The following MAGI2 variants were observed in gnomAD, a reference collection of about 807,000 sequenced individuals.
The protein encoded by MAGI2 is membrane associated guanylate kinase, WW and PDZ domain containing 2.
In MAGI2, 35 loss-of-function variants were observed where a neutral mutation model predicts 133.3. The ratio of observed to expected loss-of-function variants is 0.26; its 90% CI spans 0.20 to 0.35. The LOEUF is 0.35. MAGI2 is among the 10% of genes least tolerant of loss of function. The pLI is 1.00. For missense variants in MAGI2, 1,636 were observed against 1,863.4 expected, an observed-to-expected ratio of 0.88 and a Z score of 2.25; for synonymous variants, 729 against 710.6, an observed-to-expected ratio of 1.03 and a Z score of -0.41.
At chr7:78,997,394 G>A (rs1028487888) in intron 2 of MAGI2, among the ~76,000 whole-genome samples, 6 of 151,746 alleles carry the variant, frequency 4.0e-5, no homozygotes, top group Non-Finnish European at 5.9e-5. Flanking sequence ...ACTTGAGGTC[G>A]GGAGTTCAAG....
chr7:78,616,047 C>T (rs1376669404), intron 3 of MAGI2: 1 of 152,118 alleles, frequency 6.6e-6, no homozygotes, highest in Non-Finnish European at 1.5e-5. Flanking sequence ...GAATAATAAA[C>T]AAACCTATCC....
chr7:79,242,994 T>C (rs1183503688), intron 1 of MAGI2, among the ~76,000 whole-genome samples: 1 of 152,020 alleles, frequency 6.6e-6, no homozygotes, highest in Non-Finnish European at 1.5e-5. Context: ...AGGTGGGTGA[T>C]CACTTGAGGT....
intron 2 of MAGI2, among the ~76,000 whole-genome samples, chr7:78,923,636 T>C (rs181400968): frequency 3.9e-4 from 59 of 152,218 alleles, no homozygotes; most frequent in African/African-American, 1.3e-3. Context: ...GTGATGCCTC[T>C]GGCTTTGTTC....
At chr7:78,660,146 T>C (rs553750780) in intron 2 of MAGI2, among the ~76,000 whole-genome samples, 1 of 151,772 alleles carries the variant, frequency 6.6e-6, no homozygotes, top group African/African-American at 2.4e-5. Context: ...GTGGGAGGGA[T>C]AGCATTAGGA....
At chr7:78,447,393 G>T (rs926173284) in intron 6 of MAGI2, among the ~76,000 whole-genome samples, 72 of 148,914 alleles carry the variant, frequency 4.8e-4, no homozygotes, top group African/African-American at 1.6e-3. Context: ...AAAAAAAAAG[G>T]CTCCCTGGTC....
At chr7:78,380,787 C>T (rs1308354927) in intron 6 of MAGI2, among the ~76,000 whole-genome samples, 1 of 152,006 alleles carries the variant, frequency 6.6e-6, no homozygotes, top group Non-Finnish European at 1.5e-5. Context: ...TTGGATATCC[C>T]GTTTATCCTC....
intron 1 of MAGI2, among the ~76,000 whole-genome samples, chr7:79,269,606 T>G (rs1834727391): frequency 6.6e-6 from 1 of 152,302 alleles, no homozygotes; most frequent in Non-Finnish European, 1.5e-5. Flanking sequence ...TAAAAATGCC[T>G]TTGGTGCTAT....
At chr7:79,443,728 A>G (rs1458871339) in intron 1 of MAGI2, among the ~76,000 whole-genome samples, 6 of 152,364 alleles carry the variant, frequency 3.9e-5, no homozygotes, top group African/African-American at 1.4e-4. Flanking sequence ...TTTTTGTGCT[A>G]CACTTGATCC....
chr7:79,110,733 G>T (rs2191723), intron 1 of MAGI2, among the ~76,000 whole-genome samples: 106,994 of 151,932 alleles, frequency 0.7, 40,062 homozygotes, highest in Non-Finnish European at 0.84. Context: ...GGAGCCAGGG[G>T]TGTAATAATA....
At chr7:78,269,053 G>C (rs1461545153) in intron 9 of MAGI2, among the ~76,000 whole-genome samples, 1 of 152,108 alleles carries the variant, frequency 6.6e-6, no homozygotes, top group Non-Finnish European at 1.5e-5. Context: ...TTCTGTTCTT[G>C]TGTTAATTTG....
chr7:78,068,102 G>C (rs1814035186), intron 21 of MAGI2, among the ~76,000 whole-genome samples: 1 of 152,206 alleles, frequency 6.6e-6, no homozygotes. Context: ...TTTTTCCATA[G>C]ACCAGGTGGG....
At chr7:78,702,421 TC>T (rs752838374) in intron 2 of MAGI2, among the ~76,000 whole-genome samples, 2 of 151,972 alleles carry the variant, frequency 1.3e-5, no homozygotes, top group Non-Finnish European at 2.9e-5. Flanking sequence ...AATTGAAAGT[TC>T]TTTTTATCTT....
intron 1 of MAGI2, among the ~76,000 whole-genome samples, chr7:79,339,696 C>T (rs758072169): frequency 1.3e-5 from 2 of 152,146 alleles, no homozygotes; most frequent in Middle Eastern, 3.4e-3. Context: ...GTCTCTAGTA[C>T]GTGAGCAGTA....
At chr7:79,406,544 T>C (rs1178780200) in intron 1 of MAGI2, among the ~76,000 whole-genome samples, 1 of 152,080 alleles carries the variant, frequency 6.6e-6, no homozygotes, top group African/African-American at 2.4e-5. Flanking sequence ...TCTTCAAAGG[T>C]TGGGAGGCTG....
At chr7:78,288,603 G>C (rs1584733938) in intron 9 of MAGI2, among the ~76,000 whole-genome samples, 1 of 152,312 alleles carries the variant, frequency 6.6e-6, no homozygotes, top group Admixed American at 6.5e-5. Context: ...AGAGTGTAGT[G>C]GTTCTCCCAG....
intron 4 of MAGI2, among the ~76,000 whole-genome samples, chr7:78,510,473 T>A (rs1419542400): frequency 1.3e-5 from 2 of 152,246 alleles, no homozygotes; most frequent in Non-Finnish European, 2.9e-5. Flanking sequence ...ATAGAGTAGT[T>A]AAATTGGTCA....
At chr7:79,290,670 A>C (rs1464878431) in intron 1 of MAGI2, among the ~76,000 whole-genome samples, 3 of 151,864 alleles carry the variant, frequency 2.0e-5, no homozygotes, top group Non-Finnish European at 2.9e-5. Flanking sequence ...TCACACATTT[A>C]GTGTTCATTA....
intron 1 of MAGI2, among the ~76,000 whole-genome samples, chr7:79,165,879 G>C (rs1001408552): frequency 2.6e-5 from 4 of 151,960 alleles, no homozygotes; most frequent in Non-Finnish European, 5.9e-5. Flanking sequence ...CTATAAATGA[G>C]GAGCAATATT....
At chr7:79,435,076 C>A (rs1031749779) in intron 1 of MAGI2, among the ~76,000 whole-genome samples, 4 of 152,152 alleles carry the variant, frequency 2.6e-5, no homozygotes, top group Non-Finnish European at 4.4e-5. Context: ...GTTCCTGGGT[C>A]TCCACATTGT....
Sources: gnomAD v4.1 joint callset for allele counts (sites outside exome capture counted in the v4.1 genomes callset) on GRCh38, gnomAD v4.1.1 for gene constraint, MANE v1.5 for transcripts, NCBI Gene and HGNC (gene_info 2026-07-23, HGNC 2026-07-21) for gene names.